KDM5B: variants seen among roughly 807,000 people sequenced by gnomAD.
KDM5B encodes lysine-specific demethylase 5B.
Under a neutral mutation model 193.4 loss-of-function variants are expected in KDM5B, and 144 were observed. The ratio of observed to expected loss-of-function variants is 0.74; its 90% confidence interval spans 0.65 to 0.86. The LOEUF is 0.86. Ranked by LOEUF, KDM5B falls within the 40% of genes least tolerant of loss-of-function variation. The pLI, the probability that KDM5B is intolerant of heterozygous loss-of-function variation, is 0.00. For synonymous variants in KDM5B, 668 were observed against 682.6 expected (o/e 0.98, Z 0.33); for missense variants, 1,833 against 1,886.9 (o/e 0.97, Z 0.53).
intron 1 of KDM5B, among the ~76,000 whole-genome samples, chr1:202,798,488 T>C (rs1012645057): frequency 1.3e-5 from 2 of 151,788 alleles, no homozygotes; most frequent in African/African-American, 4.8e-5. Flanking sequence ...CGGGGTGCGG[T>C]TTGCCTTTTC....
At chr1:202,732,076 C>T in intron 23 of KDM5B, 137 bp from the exon 24 acceptor site, 1 of 607,432 alleles carries the variant, frequency 1.6e-6, no homozygotes, top group Non-Finnish European at 2.8e-6. Flanking sequence ...TTTTCCCCTA[C>T]TGAAGAGTCT....
At chr1:202,789,980 T>C (rs1172518308) in intron 1 of KDM5B, among the ~76,000 whole-genome samples, 1 of 152,022 alleles carries the variant, frequency 6.6e-6, no homozygotes, top group Non-Finnish European at 1.5e-5. Flanking sequence ...CCCAGCACTT[T>C]GGGAGGCCGA....
chr1:202,740,314 A>T (rs1655270204), intron 20 of KDM5B, among the ~76,000 whole-genome samples: 1 of 131,630 alleles, frequency 7.6e-6, no homozygotes, highest in Non-Finnish European at 1.7e-5. Context: ...GGCCGGGCAG[A>T]GGCGCCCCTC....
At chr1:202,739,488 T>G (rs1655221398) in intron 20 of KDM5B, among the ~76,000 whole-genome samples, 1 of 152,050 alleles carries the variant, frequency 6.6e-6, no homozygotes, top group Non-Finnish European at 1.5e-5. Flanking sequence ...TATTTATTTA[T>G]TTTTTATTGA....
chr1:202,790,305 C>A (rs1485544526), intron 1 of KDM5B, among the ~76,000 whole-genome samples: 2 of 152,036 alleles, frequency 1.3e-5, no homozygotes, highest in Non-Finnish European at 2.9e-5. Context: ...AGGCCAAGGG[C>A]AGTGGCTCAC....
In KDM5B at chr1:202,741,433, C is replaced by T. The variant is rs1391895463; in HGVS notation, c.2879G>A (p.Arg960Gln). ...PYSAVEKAMA[R>Q]LQELLTVSEH... The stretch of plus-strand genomic sequence containing the variant: ...TGACACTGTGAGCAGTTCCTGCAGC[C>T]GGGCCATAGCTTTCTCCACTGCTGA... Residue 960 changes from arginine to glutamine, a missense_variant, in exon 19 of 27, where the codon CGG becomes CAG. Arg to Gln is a conservative substitution (Grantham distance 43). This residue lies in a region of KDM5B where 1,379 missense variants were observed against 1,349.6 expected (regional missense o/e 1.02). Transcript: ENST00000367265. 4.4e-6 allele frequency: 7 copies of T among 1,605,150 alleles called. No individual in the cohort carries two copies. The highest frequency in any genetic ancestry group is 2.7e-5 in the African/African-American group (2 of 74,596).
At chr1:202,755,969 G>T (rs980985191) in intron 10 of KDM5B, among the ~76,000 whole-genome samples, 1 of 117,634 alleles carries the variant, frequency 8.5e-6, no homozygotes, top group Admixed American at 9.1e-5. Context: ...TACTTTCAAA[G>T]AAAACTACCA....
Position 202,727,703 on chromosome 1 carries a change from TAGAA to T in KDM5B, c.*1329_*1332del, listed in dbSNP as rs1453582712. 3 of 152,594 alleles carry T rather than the reference TAGAA, an allele frequency of 2.0e-5. No individual in the cohort carries two copies. Among genetic ancestry groups the T allele is most frequent in the African/African-American group, 7.2e-5 (3 of 41,432 alleles). 9.5% of individuals were successfully genotyped at this position (152,594 alleles called of 1,614,324 possible). ...CACAGCCAGTAATGATAGCTACAGT[TAGAA>T]AGAAATGAGAAAGGAAACCAGGAGG... is the stretch of plus-strand genomic sequence containing the variant. On this transcript the variant is annotated 3_prime_UTR_variant, in exon 27 of 27. Coordinates refer to ENST00000367265, the MANE Select transcript of KDM5B (RefSeq NM_006618.5).
In KDM5B at chr1:202,774,705, C is replaced by G. The variant is rs1156732289; in HGVS notation, c.313G>C (p.Asp105His). 6.2e-7 allele frequency: 1 copy of G among 1,613,004 alleles called. No homozygotes were observed. Among genetic ancestry groups the G allele is most frequent in the Non-Finnish European group, 8.5e-7 (1 of 1,179,330 alleles). The change falls in exon 3 of 27, where the codon GAC becomes CAC. Residue 105 changes from aspartate (D) to histidine (H), a missense_variant. Physicochemically the swap from Asp to His is moderately conservative, Grantham distance 81 (BLOSUM62 -1). This residue lies in a region of KDM5B where 355 missense variants were observed against 374.9 expected (regional missense o/e 0.95). Coordinates refer to ENST00000367265, the MANE Select transcript of KDM5B (RefSeq NM_006618.5). Reference sequence around the variant, plus strand: ...AACTCCCAGTACTTTGCAATCTGGTCCAAGAAATTCAATTTTACACGAGTT... The same window carrying G: ...AACTCCCAGTACTTTGCAATCTGGTGCAAGAAATTCAATTTTACACGAGTT... Reference protein sequence around the residue: ...AQTRVKLNFLDQIAKYWELQG... With the variant: ...AQTRVKLNFLHQIAKYWELQG...
chr1:202,750,558 A>C, intron 13 of KDM5B, 101 bp downstream of exon 13: 2 of 1,283,148 alleles, frequency 1.6e-6, no homozygotes, highest in African/African-American at 1.5e-5. Context: ...TATAGGCATG[A>C]GCTACCGCAC....
intron 9 of KDM5B, among the ~76,000 whole-genome samples, chr1:202,756,721 A>T (rs1246288832): frequency 6.6e-6 from 1 of 152,216 alleles, no homozygotes; most frequent in Non-Finnish European, 1.5e-5. Context: ...CAACTGTAAA[A>T]GGGAGCCAAG....
intron 1 of KDM5B, among the ~76,000 whole-genome samples, chr1:202,800,473 T>C (rs1431510118): frequency 6.6e-6 from 1 of 152,174 alleles, no homozygotes; most frequent in Admixed American, 6.5e-5. Flanking sequence ...CCCGAGCAGC[T>C]GGGACTACAG....
At chr1:202,745,554 G>A (rs923413901) in intron 16 of KDM5B, among the ~76,000 whole-genome samples, 2 of 152,016 alleles carry the variant, frequency 1.3e-5, no homozygotes, top group Non-Finnish European at 2.9e-5. Flanking sequence ...CAACATCTTT[G>A]TAAGAAATGT....
Position 202,746,328 on chromosome 1 carries a change from A to G in KDM5B, c.2017-5T>C, listed in dbSNP as rs1430266044. 1.9e-6 allele frequency: 3 copies of G among 1,594,592 alleles called. No individual in the cohort carries two copies. The African/African-American group carries it at 4.0e-5, about 21-fold the overall frequency. ...TCTTTCCGAATCAATCACTCCCTAGAATAAAGTATACTTTAGAGAGACCTC... is the reference window on the plus strand; with the variant it reads ...TCTTTCCGAATCAATCACTCCCTAGGATAAAGTATACTTTAGAGAGACCTC... On this transcript the variant is annotated splice_polypyrimidine_tract_variant and splice_region_variant and intron_variant, in intron 14 of 26. Transcript: ENST00000367265.
At chr1:202,794,719 T>C (rs989070065) in intron 1 of KDM5B, among the ~76,000 whole-genome samples, 7 of 152,202 alleles carry the variant, frequency 4.6e-5, no homozygotes, top group African/African-American at 1.2e-4. Context: ...AATAGAAATG[T>C]AGCATATGGT....
rs1382673914 is a variant in KDM5B, at chr1:202,724,548, CAT to C, written c.*4486_*4487del. 1 of 152,148 alleles carries C rather than the reference CAT, an allele frequency of 6.6e-6. No individual in the cohort carries two copies. The highest frequency in any genetic ancestry group is 1.5e-5 in the Non-Finnish European group (1 of 68,026). The allele number at this position is 152,148 out of a possible 1,614,324, so 9.4% of individuals were successfully genotyped here. A position where few individuals can be genotyped will look rare whatever the true frequency, so the allele number is the denominator to read the frequency against. On this transcript the variant is annotated 3_prime_UTR_variant, in exon 27 of 27. Coordinates refer to ENST00000367265, the MANE Select transcript of KDM5B (RefSeq NM_006618.5). ...TAAAGAAGCTCAATCAAGCTCACAT[CAT>C]AGATAATGCATTATGGCTATTATGA... is the stretch of plus-strand genomic sequence containing the variant.
intron 4 of KDM5B, among the ~76,000 whole-genome samples, chr1:202,768,137 A>G (rs1656552288): frequency 6.6e-6 from 1 of 152,190 alleles, no homozygotes; most frequent in African/African-American, 2.4e-5. Context: ...GCCCACAGCA[A>G]TAACTTTGGT....
rs1379841986 is a variant in KDM5B at position 202,769,075 on chromosome 1, C to T, written c.577-2015G>A. Among the ~76,000 whole-genome samples the T allele has an allele frequency of 5.2e-5, 7 of 134,628 alleles. 1 individual carries two copies. Among genetic ancestry groups the T allele is most frequent in the Non-Finnish European group, 4.7e-5 (3 of 63,678 alleles). The allele number at this position is 134,628 out of a possible 152,430, so 88.3% of individuals were successfully genotyped here. A position where few individuals can be genotyped will look rare whatever the true frequency, so the allele number is the denominator to read the frequency against. ...TTTTTGAGACAGAGTCTCGCTTTGT[C>T]GCCCAGGCTGCAGTGCAGTGGCGCC... On this transcript the variant is annotated intron_variant, in intron 4 of 26. Transcript: ENST00000367265.
intron 1 of KDM5B, among the ~76,000 whole-genome samples, chr1:202,794,997 G>A (rs926981938): frequency 6.6e-6 from 1 of 152,148 alleles, no homozygotes; most frequent in Admixed American, 6.5e-5. Flanking sequence ...CAGATCACTT[G>A]AGGTCAGGAG....
Sources: gnomAD v4.1 joint callset for allele counts (sites outside exome capture counted in the v4.1 genomes callset) on GRCh38, gnomAD v4.1.1 for gene constraint, gnomAD v4.1.1 regional missense constraint, MANE v1.5 for transcripts, NCBI Gene and HGNC (gene_info 2026-07-23, HGNC 2026-07-21) for gene names.